PREX2: variants seen among roughly 807,000 people sequenced by gnomAD.
The protein encoded by PREX2 is phosphatidylinositol 3,4,5-trisphosphate-dependent Rac exchanger 2 protein.
Under a neutral mutation model 203.2 loss-of-function variants are expected in PREX2, and 107 were observed. The ratio of observed to expected loss-of-function variants is 0.53; its 90% confidence interval spans 0.45 to 0.62. The LOEUF (loss-of-function observed/expected upper bound fraction) is 0.62. Among genes scored for constraint, PREX2 ranks in the 20% least tolerant of loss-of-function variants. The probability of loss-of-function intolerance (pLI) is 0.00; values close to 1 mark genes in which losing one functional copy is unlikely to be tolerated. For synonymous variants in PREX2, 672 were observed against 663.6 expected (o/e 1.01, Z -0.19); for missense variants, 1,777 against 1,955.9 (o/e 0.91, Z 1.72).
intron 1 of PREX2, among the ~76,000 whole-genome samples, chr8:68,002,179 G>A (rs1360169423): frequency 2.2e-5 from 3 of 138,646 alleles, no homozygotes; most frequent in African/African-American, 2.7e-5. Flanking sequence ...GTGGAGTCTC[G>A]CTGTGCCATC....
chr8:68,075,996 A>C (rs1450216682), intron 14 of PREX2, among the ~76,000 whole-genome samples: 1 of 152,208 alleles, frequency 6.6e-6, no homozygotes, highest in African/African-American at 2.4e-5. Context: ...CAGGGAGGCC[A>C]AGTTGCCTAC....
At chr8:67,996,098 A>G (rs943417758) in intron 1 of PREX2, among the ~76,000 whole-genome samples, 2 of 152,052 alleles carry the variant, frequency 1.3e-5, no homozygotes, top group African/African-American at 4.8e-5. Flanking sequence ...AGATCTAAGT[A>G]CCCTTTTATG....
intron 37 of PREX2, among the ~76,000 whole-genome samples, chr8:68,207,143 A>G (rs1303049792): frequency 6.6e-6 from 1 of 152,192 alleles, no homozygotes; most frequent in East Asian, 1.9e-4. Context: ...GCTCTAATAT[A>G]TATATATTTC....
chr8:67,995,925 C>A (rs1806750571), intron 1 of PREX2, among the ~76,000 whole-genome samples: 1 of 152,244 alleles, frequency 6.6e-6, no homozygotes, highest in South Asian at 2.1e-4. Flanking sequence ...GCTGTGCTTG[C>A]AATTTTACAT....
chr8:68,134,259 C>A lies in PREX2; in HGVS notation c.3967C>A (p.Leu1323Ile), dbSNP rs1385665300. The A allele has an allele frequency of 6.2e-7, 1 of 1,613,890 alleles. No homozygotes were observed. Among genetic ancestry groups the A allele is most frequent in the Non-Finnish European group, 8.5e-7 (1 of 1,179,850 alleles). The change falls in exon 32 of 40, where the codon CTT (leucine) becomes ATT (isoleucine). Residue 1323 changes from leucine (L) to isoleucine (I), a missense_variant. Coordinates refer to ENST00000288368, the MANE Select transcript of PREX2 (RefSeq NM_024870.4). ...AGGTGTTCTTTTTCACTTTCAGTCA[C>A]TTCTGTCACCAAACTTGGTAAGGAA... ...NAGVLFHFQS[L>I]LSPNLTDEQA...
chr8:68,061,258 G>A (rs1808842258), intron 11 of PREX2, among the ~76,000 whole-genome samples: 1 of 152,228 alleles, frequency 6.6e-6, no homozygotes, highest in Non-Finnish European at 1.5e-5. Context: ...GTCCATGGAT[G>A]AACATACTGG....
chr8:68,029,188 T>C (rs1807811697), intron 5 of PREX2, among the ~76,000 whole-genome samples: 1 of 152,182 alleles, frequency 6.6e-6, no homozygotes, highest in African/African-American at 2.4e-5. Context: ...CTTGAAATTA[T>C]TGAGTTGGTC....
At chr8:68,057,889 T>C (rs954684490) in intron 10 of PREX2, among the ~76,000 whole-genome samples, 1 of 152,236 alleles carries the variant, frequency 6.6e-6, no homozygotes, top group African/African-American at 2.4e-5. Context: ...GTCAAGTTTG[T>C]TCTTATTGAA....
At chr8:68,081,315 T>C (rs1266170476) in intron 17 of PREX2, among the ~76,000 whole-genome samples, 1 of 152,174 alleles carries the variant, frequency 6.6e-6, no homozygotes, top group Non-Finnish European at 1.5e-5. Flanking sequence ...GCTCAGGGTT[T>C]GTGCTCACTC....
At chr8:68,178,815 A>G (rs1159381784) in intron 35 of PREX2, among the ~76,000 whole-genome samples, 1 of 152,278 alleles carries the variant, frequency 6.6e-6, no homozygotes, top group African/African-American at 2.4e-5. Context: ...TGCTTACAGT[A>G]AGGAAGGAAG....
intron 33 of PREX2, among the ~76,000 whole-genome samples, chr8:68,139,713 C>T (rs775588213): frequency 6.6e-6 from 1 of 152,122 alleles, no homozygotes; most frequent in African/African-American, 2.4e-5. Flanking sequence ...AATGTCAATG[C>T]TGTTTAATTT....
chr8:68,146,994 T>A (rs1274590803), intron 34 of PREX2, among the ~76,000 whole-genome samples: 1 of 152,168 alleles, frequency 6.6e-6, no homozygotes, highest in Admixed American at 6.5e-5. Context: ...CTTTCTTATT[T>A]TGGGGTCATA....
intron 37 of PREX2, among the ~76,000 whole-genome samples, chr8:68,200,698 A>G (rs143037642): frequency 2.6e-5 from 4 of 152,118 alleles, no homozygotes; most frequent in African/African-American, 9.6e-5. Flanking sequence ...TTAAAATTAG[A>G]TGTATGGTGA....
intron 24 of PREX2, 151 bp from the exon 25 acceptor site, chr8:68,109,265 A>C (rs942767621): frequency 1.6e-6 from 1 of 617,432 alleles, no homozygotes; most frequent in Non-Finnish European, 2.8e-6. Flanking sequence ...TAGTCATTGC[A>C]TAATGCATAT....
intron 22 of PREX2, among the ~76,000 whole-genome samples, chr8:68,098,938 G>GTATGTATATATATATATA (rs1554577009): frequency 9.1e-6 from 1 of 109,820 alleles, no homozygotes; most frequent in South Asian, 3.1e-4. Flanking sequence ...ATATATATGT[G>GTATGTATATATATATATA]TATATATATA....
chr8:68,082,696 A>T (rs1247108039), intron 17 of PREX2: 1 of 152,546 alleles, frequency 6.6e-6, no homozygotes, highest in Non-Finnish European at 1.5e-5. Flanking sequence ...TGGAGGGATA[A>T]TATCTTCCTT....
At chr8:68,228,994 T>C (rs138608159) in intron 39 of PREX2, among the ~76,000 whole-genome samples, 50 of 130,422 alleles carry the variant, frequency 3.8e-4, no homozygotes, top group African/African-American at 1.4e-3. Flanking sequence ...TATGTGACCT[T>C]ATTTAGTCAG....
chr8:68,094,788 T>C (rs560660416), intron 21 of PREX2, among the ~76,000 whole-genome samples: 1 of 152,312 alleles, frequency 6.6e-6, no homozygotes, highest in South Asian at 2.1e-4. Context: ...CAATTCAATT[T>C]AGTTGTAAAG....
intron 8 of PREX2, among the ~76,000 whole-genome samples, chr8:68,048,931 A>G (rs77659933): frequency 0.015 from 2,259 of 152,030 alleles, 48 homozygotes; most frequent in African/African-American, 0.051. Flanking sequence ...CATAAGCTGG[A>G]TTGAGTATGT....
Sources: allele counts gnomAD v4.1 joint callset (sites outside exome capture counted in the v4.1 genomes callset), GRCh38; gene constraint gnomAD v4.1.1; transcripts MANE v1.5; gene names NCBI Gene and HGNC (gene_info 2026-07-23, HGNC 2026-07-21).